The following DPYD variants were observed in gnomAD, a reference collection of about 807,000 sequenced individuals.
DPYD encodes dihydropyrimidine dehydrogenase [NADP(+)].
A neutral mutation model predicts 116.2 loss-of-function variants in DPYD; 109 were observed. The observed-to-expected ratio is 0.94, with a 90% CI of 0.80 to 1.10. DPYD has a LOEUF of 1.10. DPYD is among the 50% of genes least tolerant of loss of function. DPYD has a pLI of 0.00. For missense variants in DPYD, 1,302 were observed against 1,254.5 expected (o/e 1.04, Z -0.57); for synonymous variants, 440 against 432.0 (o/e 1.02, Z -0.23).
chr1:97,443,717 A>G (rs896828170), intron 14 of DPYD, among the ~76,000 whole-genome samples: 3 of 152,262 alleles, frequency 2.0e-5, no homozygotes, highest in African/African-American at 7.2e-5. Flanking sequence ...CTGGCCTGAC[A>G]ACAGATATAG....
chr1:97,119,943 A>G (rs1652292371), intron 20 of DPYD, among the ~76,000 whole-genome samples: 1 of 152,190 alleles, frequency 6.6e-6, no homozygotes, highest in Non-Finnish European at 1.5e-5. Context: ...CCAGATGCAG[A>G]AATGTGGCTA....
chr1:97,164,421 G>A lies in DPYD; in HGVS notation c.2622+28648C>T, dbSNP rs557436855. Among the ~76,000 whole-genome samples, 48 of 152,154 alleles carry A rather than the reference G, an allele frequency of 3.2e-4. 1 individual carries two copies. The highest frequency in any genetic ancestry group is 1.0e-3 in the African/African-American group (42 of 41,498). On this transcript the variant is annotated intron_variant, in intron 20 of 22. Coordinates refer to ENST00000370192, the MANE Select transcript of DPYD (RefSeq NM_000110.4). Reference sequence around the variant, plus strand: ...TATTCAACATGGTACTGGAATACCCGGCCAGAGCAATTAGGCAAGAGAAAG... The same window carrying A: ...TATTCAACATGGTACTGGAATACCCAGCCAGAGCAATTAGGCAAGAGAAAG...
chr1:97,749,534 G>T (rs1212540021), intron 3 of DPYD, among the ~76,000 whole-genome samples: 1 of 152,086 alleles, frequency 6.6e-6, no homozygotes, highest in Non-Finnish European at 1.5e-5. Flanking sequence ...TCAGTTAACA[G>T]CTTTAACAGA....
intron 8 of DPYD, among the ~76,000 whole-genome samples, chr1:97,631,253 A>G (rs1657240514): frequency 1.3e-5 from 2 of 152,212 alleles, no homozygotes; most frequent in South Asian, 4.1e-4. Flanking sequence ...CAAGGCATAA[A>G]AGGGTACAGA....
At chr1:97,110,181 A>C (rs1028752355) in intron 20 of DPYD, among the ~76,000 whole-genome samples, 6 of 151,718 alleles carry the variant, frequency 4.0e-5, no homozygotes, top group Admixed American at 3.9e-4. Flanking sequence ...CTTGGGAAAG[A>C]CTCCTTCTTT....
chr1:97,159,776 T>A (rs1009807207), intron 20 of DPYD, among the ~76,000 whole-genome samples: 1 of 152,078 alleles, frequency 6.6e-6, no homozygotes, highest in African/African-American at 2.4e-5. Flanking sequence ...ATACATTCTG[T>A]TCCTTTTAAT....
At chr1:97,580,616 G>C (rs1232521304) in intron 10 of DPYD, among the ~76,000 whole-genome samples, 1 of 152,160 alleles carries the variant, frequency 6.6e-6, no homozygotes, top group Non-Finnish European at 1.5e-5. Flanking sequence ...TCAGGTTTCT[G>C]AACCTTTTCC....
At chr1:97,087,758 G>A (rs928939425) in intron 21 of DPYD, among the ~76,000 whole-genome samples, 5 of 152,084 alleles carry the variant, frequency 3.3e-5, no homozygotes, top group Admixed American at 6.5e-5. Context: ...ATATCCTTAG[G>A]TATCTTAGGT....
intron 18 of DPYD, among the ~76,000 whole-genome samples, chr1:97,285,395 C>A (rs1665604071): frequency 2.0e-5 from 3 of 152,138 alleles, no homozygotes. Context: ...CCAAGTGCTT[C>A]ATTTCTCTAT....
intron 14 of DPYD, among the ~76,000 whole-genome samples, chr1:97,436,993 A>G (rs1675505735): frequency 6.6e-6 from 1 of 151,860 alleles, no homozygotes; most frequent in African/African-American, 2.4e-5. Flanking sequence ...ATGGAAGTAT[A>G]CTTCTATATA....
At chr1:97,807,222 G>GA (rs1460605867) in intron 3 of DPYD, among the ~76,000 whole-genome samples, 1 of 152,018 alleles carries the variant, frequency 6.6e-6, no homozygotes, top group African/African-American at 2.4e-5. Context: ...GTTTAATTGT[G>GA]TAAGAAAGTG....
At chr1:97,165,764 T>C (rs1368202308) in intron 20 of DPYD, among the ~76,000 whole-genome samples, 1 of 152,052 alleles carries the variant, frequency 6.6e-6, no homozygotes, top group East Asian at 1.9e-4. Flanking sequence ...GCAAAATACA[T>C]GAACAAACAC....
At chr1:97,741,428 A>T (rs1571281570) in intron 3 of DPYD, among the ~76,000 whole-genome samples, 1 of 152,244 alleles carries the variant, frequency 6.6e-6, no homozygotes, top group East Asian at 1.9e-4. Flanking sequence ...TTCACAGAGG[A>T]GCCCCTACTG....
intron 4 of DPYD, among the ~76,000 whole-genome samples, chr1:97,735,520 C>CA (rs767245436): frequency 0.025 from 2,534 of 99,852 alleles, 71 homozygotes; most frequent in African/African-American, 0.082. Flanking sequence ...AATAAAAATA[C>CA]AAAAAAAAAA....
At chr1:97,166,350 G>A (rs963818513) in intron 20 of DPYD, among the ~76,000 whole-genome samples, 3 of 152,030 alleles carry the variant, frequency 2.0e-5, no homozygotes, top group Admixed American at 1.3e-4. Flanking sequence ...TCACTCATAA[G>A]TGGGAGCTAA....
At chr1:97,646,052 A>G (rs1438320134) in intron 8 of DPYD, among the ~76,000 whole-genome samples, 1 of 152,118 alleles carries the variant, frequency 6.6e-6, no homozygotes, top group Admixed American at 6.6e-5. Context: ...TGTCCAAGGA[A>G]GTTTTATTTT....
intron 20 of DPYD, among the ~76,000 whole-genome samples, chr1:97,154,200 GT>G (rs1655255897): frequency 6.6e-6 from 1 of 152,126 alleles, no homozygotes; most frequent in East Asian, 1.9e-4. Context: ...GCACAACCAT[GT>G]TTATAGCAGC....
intron 13 of DPYD, among the ~76,000 whole-genome samples, chr1:97,505,913 G>A (rs1647291071): frequency 6.6e-6 from 1 of 151,968 alleles, no homozygotes; most frequent in Non-Finnish European, 1.5e-5. Flanking sequence ...AAAGGGCAAT[G>A]GGCTTAGCTG....
chr1:97,134,014 AATATATATATAT>A (rs1165027630), intron 20 of DPYD, among the ~76,000 whole-genome samples: 197 of 18,638 alleles, frequency 0.011, 7 homozygotes, highest in Admixed American at 0.025. Flanking sequence ...AAAAAAAAAA[AATATATATATAT>A]ATATATATAT....
Sources: allele counts gnomAD v4.1 joint callset (sites outside exome capture counted in the v4.1 genomes callset), GRCh38; gene constraint gnomAD v4.1.1; transcripts MANE v1.5; gene names NCBI Gene and HGNC (gene_info 2026-07-23, HGNC 2026-07-21).